MIPOL1: variants seen among roughly 807,000 people sequenced by gnomAD.
MIPOL1 encodes the protein mirror-image polydactyly 1, also known as mirror-image polydactyly gene 1 protein.
Under a neutral mutation model 60.9 loss-of-function variants are expected in MIPOL1, and 57 were observed. The ratio of observed to expected loss-of-function variants is 0.94; its 90% CI spans 0.76 to 1.17. The LOEUF is 1.17. Among genes scored for constraint, MIPOL1 ranks in the 50% most tolerant of loss-of-function variants. The pLI is 0.00. For synonymous variants in MIPOL1, 179 were observed against 168.8 expected, an observed-to-expected ratio of 1.06 and a Z score of -0.47; for missense variants, 551 against 511.6, an observed-to-expected ratio of 1.08 and a Z score of -0.74.
At chr14:37,344,786 T>C (rs2090824737) in intron 9 of MIPOL1, among the ~76,000 whole-genome samples, 1 of 152,088 alleles carries the variant, frequency 6.6e-6, no homozygotes, top group Admixed American at 6.5e-5. Flanking sequence ...TCCCAGCACT[T>C]AGGGACGCCC....
chr14:37,322,226 C>A (rs2088653156), intron 9 of MIPOL1, among the ~76,000 whole-genome samples: 1 of 151,914 alleles, frequency 6.6e-6, no homozygotes, highest in Non-Finnish European at 1.5e-5. Flanking sequence ...ATATAGAAAA[C>A]TAAGTGCACA....
At chr14:37,372,304 C>CT (rs1309052819) in intron 10 of MIPOL1, among the ~76,000 whole-genome samples, 1 of 152,044 alleles carries the variant, frequency 6.6e-6, no homozygotes, top group African/African-American at 2.4e-5. Flanking sequence ...TAAGGAAATA[C>CT]TTTTTAATAA....
downstream of MIPOL1, chr14:37,552,170 C>G (rs929817657): frequency 2.0e-5 from 3 of 151,938 alleles, no homozygotes; most frequent in Admixed American, 6.6e-5. Context: ...GGCAAAAATT[C>G]TATAAACTGG....
chr14:37,514,685 G>C lies in MIPOL1; in HGVS notation c.1262+14547G>C, dbSNP rs149198584. Among the ~76,000 whole-genome samples the C allele has an allele frequency of 9.5e-3, 1,436 of 151,308 alleles. 27 individuals are homozygous for C. Among genetic ancestry groups the C allele is most frequent in the African/African-American group, 0.033 (1,358 of 41,186 alleles). ...TGCCCAGGCTGGAGTACAATGGCGC[G>C]ATCTTGGCTCACAGCAACCTCCGCC... On this transcript the variant is annotated intron_variant, in intron 12 of 12. Transcript: ENST00000684589.
intron 12 of MIPOL1, among the ~76,000 whole-genome samples, chr14:37,512,558 T>C (rs2095336986): frequency 6.6e-6 from 1 of 152,092 alleles, no homozygotes; most frequent in Non-Finnish European, 1.5e-5. Context: ...AGAATCCGAT[T>C]TTATCCATAA....
intron 11 of MIPOL1, among the ~76,000 whole-genome samples, chr14:37,440,197 C>T (rs966913896): frequency 2.6e-5 from 4 of 152,110 alleles, no homozygotes; most frequent in Non-Finnish European, 5.9e-5. Flanking sequence ...TTAAAACTTC[C>T]AATTGTTTCA....
At chr14:37,257,433 A>G (rs890406518) in intron 3 of MIPOL1, among the ~76,000 whole-genome samples, 13 of 152,078 alleles carry the variant, frequency 8.5e-5, no homozygotes, top group African/African-American at 3.1e-4. Flanking sequence ...AATGTCTCAT[A>G]TAGTTTTGAT....
At chr14:37,365,063 A>G (rs1338550864) in intron 9 of MIPOL1, among the ~76,000 whole-genome samples, 1 of 152,208 alleles carries the variant, frequency 6.6e-6, no homozygotes, top group Non-Finnish European at 1.5e-5. Context: ...TGTATCCTGC[A>G]ACCTTACTGA....
intron 7 of MIPOL1, among the ~76,000 whole-genome samples, chr14:37,304,667 A>T (rs558373202): frequency 8.6e-5 from 13 of 151,984 alleles, no homozygotes; most frequent in African/African-American, 3.1e-4. Flanking sequence ...GAACGACTGT[A>T]GTTTCAGAAA....
intron 11 of MIPOL1, among the ~76,000 whole-genome samples, chr14:37,449,520 A>T (rs1424623208): frequency 6.6e-6 from 1 of 152,214 alleles, no homozygotes; most frequent in Non-Finnish European, 1.5e-5. Flanking sequence ...CGTTGCTTTT[A>T]TACAAGTTGA....
At chr14:37,448,684 T>C (rs1215174252) in intron 11 of MIPOL1, among the ~76,000 whole-genome samples, 1 of 152,150 alleles carries the variant, frequency 6.6e-6, no homozygotes. Flanking sequence ...CTGTTGTCTT[T>C]TAAAATCAAT....
chr14:37,270,803 A>C (rs1422830352), intron 6 of MIPOL1, among the ~76,000 whole-genome samples: 1 of 152,038 alleles, frequency 6.6e-6, no homozygotes, highest in African/African-American at 2.4e-5. Flanking sequence ...TTTTGTTGGA[A>C]GGGGCTGAAC....
intron 9 of MIPOL1, among the ~76,000 whole-genome samples, chr14:37,348,980 A>G (rs1279948385): frequency 2.1e-5 from 2 of 96,042 alleles, no homozygotes; most frequent in Non-Finnish European, 4.3e-5. Context: ...TGCCCAGCTA[A>G]TTCTTTTTTT....
chr14:37,476,118 TA>T (rs2094769816), intron 11 of MIPOL1, among the ~76,000 whole-genome samples: 1 of 152,226 alleles, frequency 6.6e-6, no homozygotes, highest in Non-Finnish European at 1.5e-5. Context: ...ATCTTGTAAA[TA>T]TTTTATTGGA....
intron 1 of MIPOL1, among the ~76,000 whole-genome samples, chr14:37,234,555 T>G (rs3861484): frequency 0.45 from 68,274 of 151,594 alleles, 17,854 homozygotes; most frequent in African/African-American, 0.73. Context: ...GGCAGCTCTT[T>G]AACTCCTGGC....
At chr14:37,447,158 A>G (rs151201676) in intron 11 of MIPOL1, among the ~76,000 whole-genome samples, 185 of 152,188 alleles carry the variant, frequency 1.2e-3, no homozygotes, top group African/African-American at 4.2e-3. Context: ...AGACATGGCA[A>G]TTCATAGGGA....
At chr14:37,217,127 C>G (rs764025938) in intron 1 of MIPOL1, among the ~76,000 whole-genome samples, 1 of 151,992 alleles carries the variant, frequency 6.6e-6, no homozygotes, top group Non-Finnish European at 1.5e-5. Flanking sequence ...AACCATATAC[C>G]AATAAATTGG....
chr14:37,289,698 T>G (rs2084889589), intron 7 of MIPOL1, among the ~76,000 whole-genome samples: 1 of 152,162 alleles, frequency 6.6e-6, no homozygotes, highest in Non-Finnish European at 1.5e-5. Flanking sequence ...CTTTTGGGCC[T>G]TTAATGGAGA....
chr14:37,552,262 C>G (rs1566809144), downstream of MIPOL1: 1 of 152,038 alleles, frequency 6.6e-6, no homozygotes, highest in Non-Finnish European at 1.5e-5. Flanking sequence ...CATTTTACTT[C>G]TACATATGCA....
Sources: gnomAD v4.1 joint callset for allele counts (sites outside exome capture counted in the v4.1 genomes callset) on GRCh38, gnomAD v4.1.1 for gene constraint, MANE v1.5 for transcripts, NCBI Gene and HGNC (gene_info 2026-07-23, HGNC 2026-07-21) for gene names.